CORO2B: variants seen among roughly 807,000 people sequenced by gnomAD.
CORO2B encodes the protein coronin 2B, also known as coronin-2B.
A neutral mutation model predicts 58.8 loss-of-function variants in CORO2B; 26 were observed. That is an observed-to-expected ratio of 0.44 (90% CI 0.32 to 0.61). The LOEUF is 0.61. CORO2B is among the 20% of genes least tolerant of loss of function. The pLI is 0.04. For missense variants in CORO2B, 460 were observed against 645.1 expected (o/e 0.71, Z 3.11); for synonymous variants, 242 against 253.8 (o/e 0.95, Z 0.44).
At chr15:68,535,291 C>G in the CORO2B span, among the ~76,000 whole-genome samples, 3 of 152,150 alleles carry the variant, frequency 2.0e-5, no homozygotes, top group Admixed American at 6.5e-5. Context: ...TCTCTGTAGC[C>G]CTGGAATCAA....
the CORO2B span, among the ~76,000 whole-genome samples, chr15:68,547,508 A>T: frequency 1.3e-5 from 2 of 152,124 alleles, no homozygotes; most frequent in Non-Finnish European, 2.9e-5. Flanking sequence ...TTTTATGCTA[A>T]TTTTTTTGTG....
Position 68,726,148 on chromosome 15 carries a change from T to A in CORO2B, c.*174T>A. ...GCCAACCTCTAACCTCCTGACCTCA[T>A]GCTAATAAAAGTCCCCAGCTTCTGG... On this transcript the variant is annotated 3_prime_UTR_variant, in exon 12 of 12. Transcript: ENST00000261861. The A allele has an allele frequency of 1.2e-6, 1 of 800,768 alleles. No individual in the cohort carries two copies. The highest frequency in any genetic ancestry group is 1.9e-6 in the Non-Finnish European group (1 of 519,372). The allele number at this position is 800,768 out of a possible 1,614,324, so 49.6% of individuals were successfully genotyped here. A position where few individuals can be genotyped will look rare whatever the true frequency, so the allele number is the denominator to read the frequency against.
At chr15:68,693,939 G>A (rs1385260852) in intron 2 of CORO2B, among the ~76,000 whole-genome samples, 4 of 152,194 alleles carry the variant, frequency 2.6e-5, no homozygotes, top group East Asian at 1.9e-4. Flanking sequence ...GGGTTCAAGC[G>A]ATTCTCCTGT....
chr15:68,533,530 A>G, the CORO2B span, among the ~76,000 whole-genome samples: 5 of 152,240 alleles, frequency 3.3e-5, no homozygotes, highest in Admixed American at 1.3e-4. Flanking sequence ...CTGTGGGGCT[A>G]GATGCAGTGC....
At chr15:68,677,954 C>G (rs187960605) in intron 2 of CORO2B, among the ~76,000 whole-genome samples, 1 of 152,174 alleles carries the variant, frequency 6.6e-6, no homozygotes, top group African/African-American at 2.4e-5. Context: ...TGAGGGTTTC[C>G]TGTTATTTCA....
chr15:68,580,223 A>C (rs1328480391), intron 1 of CORO2B, among the ~76,000 whole-genome samples: 1 of 152,182 alleles, frequency 6.6e-6, no homozygotes, highest in East Asian at 1.9e-4. Flanking sequence ...CTTCAGAGAG[A>C]TCTGTCTGGG....
chr15:68,641,958 G>T (rs1901258898), intron 1 of CORO2B, among the ~76,000 whole-genome samples: 2 of 151,608 alleles, frequency 1.3e-5, no homozygotes, highest in Admixed American at 6.6e-5. Flanking sequence ...CCAATGCCTG[G>T]GTTCAAGCGA....
At chr15:68,699,959 G>A (rs542797048) in intron 3 of CORO2B, among the ~76,000 whole-genome samples, 1 of 152,328 alleles carries the variant, frequency 6.6e-6, no homozygotes, top group Non-Finnish European at 1.5e-5. Flanking sequence ...CAACCTGGGT[G>A]CTGGGGGAAA....
chr15:68,705,813 A>T (rs1314029749), intron 3 of CORO2B, among the ~76,000 whole-genome samples: 1 of 152,108 alleles, frequency 6.6e-6, no homozygotes. Flanking sequence ...AGAGCTCTGC[A>T]CCCAGTTTAC....
At chr15:68,561,582 G>A in the CORO2B span, among the ~76,000 whole-genome samples, 4 of 152,348 alleles carry the variant, frequency 2.6e-5, no homozygotes, top group South Asian at 6.2e-4. Context: ...CTGGGTGGGA[G>A]GGTGGAAGAT....
At chr15:68,652,105 T>C (rs1901661958) in intron 2 of CORO2B, among the ~76,000 whole-genome samples, 1 of 152,162 alleles carries the variant, frequency 6.6e-6, no homozygotes, top group Admixed American at 6.5e-5. Flanking sequence ...CCAGCTCACT[T>C]ATTTCTGAAT....
chr15:68,539,567 CA>C, the CORO2B span, among the ~76,000 whole-genome samples: 3 of 146,160 alleles, frequency 2.1e-5, no homozygotes, highest in African/African-American at 7.3e-5. Context: ...CCCAGCTACT[CA>C]GGGGGCTGAG....
In CORO2B at chr15:68,579,111, C is replaced by T. The variant is rs1033888315; in HGVS notation, c.-152C>T. On this transcript the variant is annotated 5_prime_UTR_variant, in exon 1 of 12. Transcript: ENST00000261861. ...ACGAGCGGTCCCTGCGCGCTGCCCG[C>T]CCGGAGCGCAGCCCCCAGGCTCGGC... 6.1e-6 allele frequency: 6 copies of T among 982,456 alleles called. No individual in the cohort carries two copies. Among genetic ancestry groups the T allele is most frequent in the Non-Finnish European group, 7.2e-6 (6 of 828,814 alleles). The allele number at this position is 982,456 out of a possible 1,614,324, so 60.9% of individuals were successfully genotyped here. A position where few individuals can be genotyped will look rare whatever the true frequency, so the allele number is the denominator to read the frequency against.
rs144906693 is a variant in CORO2B at position 68,597,641 on chromosome 15, T to A, written c.15+18364T>A. Among the ~76,000 whole-genome samples the A allele has an allele frequency of 5.3e-3, 760 of 144,510 alleles. 4 individuals are homozygous for A. The highest frequency in any genetic ancestry group is 8.5e-3 in the African/African-American group (322 of 37,870). The allele number at this position is 144,510 out of a possible 152,430, so 94.8% of individuals were successfully genotyped here. A position where few individuals can be genotyped will look rare whatever the true frequency, so the allele number is the denominator to read the frequency against. On this transcript the variant is annotated intron_variant, in intron 1 of 11. Coordinates refer to ENST00000261861, the MANE Select transcript of CORO2B (RefSeq NM_006091.5). Reference sequence around the variant, plus strand: ...TTCCCCCCCATCAAAAAAAAAAAAATAAATAAATAAAAAATAAAAAAGACC... The same window carrying A: ...TTCCCCCCCATCAAAAAAAAAAAAAAAAATAAATAAAAAATAAAAAAGACC...
chr15:68,566,908 C>G, the CORO2B span, among the ~76,000 whole-genome samples: 1 of 152,192 alleles, frequency 6.6e-6, no homozygotes, highest in South Asian at 2.1e-4. Flanking sequence ...TGCCTTACAG[C>G]AGCTCAAGCA....
At chr15:68,588,521 G>A (rs1468736580) in intron 1 of CORO2B, among the ~76,000 whole-genome samples, 1 of 152,192 alleles carries the variant, frequency 6.6e-6, no homozygotes, top group East Asian at 1.9e-4. Flanking sequence ...GGAAGGCGAG[G>A]GAAGGTGGGT....
At chr15:68,686,880 C>A (rs1388425297) in intron 2 of CORO2B, among the ~76,000 whole-genome samples, 1 of 147,508 alleles carries the variant, frequency 6.8e-6, no homozygotes, top group Non-Finnish European at 1.5e-5. Context: ...GCCTGCGCAA[C>A]AAGAGCGAAA....
intron 1 of CORO2B, among the ~76,000 whole-genome samples, chr15:68,602,928 C>A (rs1900020000): frequency 6.6e-6 from 1 of 152,166 alleles, no homozygotes; most frequent in Non-Finnish European, 1.5e-5. Flanking sequence ...ATTTTGTTTT[C>A]TTGGGGCAGG....
chr15:68,717,367 G>A (rs1439121801), intron 8 of CORO2B, among the ~76,000 whole-genome samples: 1 of 152,128 alleles, frequency 6.6e-6, no homozygotes, highest in African/African-American at 2.4e-5. Context: ...TTTGGGAGGG[G>A]CAGGAGGAAG....
Sources: gnomAD v4.1 joint callset for allele counts (sites outside exome capture counted in the v4.1 genomes callset) on GRCh38, gnomAD v4.1.1 for gene constraint, MANE v1.5 for transcripts, NCBI Gene and HGNC (gene_info 2026-07-23, HGNC 2026-07-21) for gene names.